The following CSMD3 variants were observed in gnomAD, a reference collection of about 807,000 sequenced individuals.
CSMD3 encodes the protein CUB and Sushi multiple domains 3.
Under a neutral mutation model 435.2 loss-of-function variants are expected in CSMD3, and 177 were observed. That is an observed-to-expected ratio of 0.41 (90% CI 0.36 to 0.46). CSMD3 has a LOEUF of 0.46. CSMD3 is among the 20% of genes least tolerant of loss of function. CSMD3 has a pLI of 0.34. For missense variants in CSMD3, 4,265 were observed against 4,504.6 expected (o/e 0.95, Z 1.52); for synonymous variants, 1,656 against 1,520.5 (o/e 1.09, Z -2.07).
At chr8:112,405,214 C>CAAATATATATATAT (rs1831704106) in intron 35 of CSMD3, among the ~76,000 whole-genome samples, 1 of 19,070 alleles carries the variant, frequency 5.2e-5, no homozygotes, top group Non-Finnish European at 8.0e-5. Flanking sequence ...AAAAAACCCC[C>CAAATATATATATAT]ATATATATAT....
intron 36 of CSMD3, among the ~76,000 whole-genome samples, chr8:112,387,913 C>T (rs927802334): frequency 6.6e-6 from 1 of 152,208 alleles, no homozygotes; most frequent in Non-Finnish European, 1.5e-5. Flanking sequence ...CACTGTGCAG[C>T]ATGTACTTCC....
intron 22 of CSMD3, 138 bp from the exon 23 acceptor site, chr8:112,587,373 T>C (rs1830821218): frequency 3.1e-6 from 2 of 645,258 alleles, no homozygotes; most frequent in Admixed American, 4.7e-5. Flanking sequence ...TGGCTTTATG[T>C]TGTAAATGAT....
chr8:112,318,466 T>G (rs1001505975), intron 47 of CSMD3, among the ~76,000 whole-genome samples: 7 of 152,054 alleles, frequency 4.6e-5, no homozygotes, highest in African/African-American at 1.7e-4. Context: ...CAAAGTTTAA[T>G]GAGTCTAGTG....
intron 13 of CSMD3, among the ~76,000 whole-genome samples, chr8:112,731,777 GTATT>G (rs1188052876): frequency 6.6e-6 from 1 of 152,000 alleles, no homozygotes; most frequent in Non-Finnish European, 1.5e-5. Context: ...TGCTCAATGA[GTATT>G]TGTTCACTGA....
At chr8:112,789,337 A>C (rs2078629732) in intron 13 of CSMD3, among the ~76,000 whole-genome samples, 1 of 152,214 alleles carries the variant, frequency 6.6e-6, no homozygotes, top group Non-Finnish European at 1.5e-5. Flanking sequence ...CAAATTTAAT[A>C]AAAGTATGCT....
At chr8:112,501,395 G>GAAAAAAAAAA (rs753817533) in intron 30 of CSMD3, among the ~76,000 whole-genome samples, 1 of 102,168 alleles carries the variant, frequency 9.8e-6, no homozygotes, top group Non-Finnish European at 2.1e-5. Context: ...CCATCTCAAG[G>GAAAAAAAAAA]AAAAAAAAAA....
At chr8:112,409,174 T>G (rs546413109) in intron 32 of CSMD3, 142 bp from the exon 33 acceptor site, 187 of 1,452,350 alleles carry the variant, frequency 1.3e-4, no homozygotes, top group South Asian at 6.7e-5. Flanking sequence ...TAAAAGAGGA[T>G]AGGTGCCAAT....
chr8:112,656,086 A>G, intron 18 of CSMD3, 68 bp downstream of exon 18: 1 of 854,194 alleles, frequency 1.2e-6, no homozygotes, highest in Non-Finnish European at 2.0e-6. Context: ...TTCCATTAGT[A>G]AAACTATAAT....
At chr8:112,936,215 G>A (rs895616094) in intron 9 of CSMD3, among the ~76,000 whole-genome samples, 1 of 151,122 alleles carries the variant, frequency 6.6e-6, no homozygotes, top group African/African-American at 2.4e-5. Flanking sequence ...TTTCTATCTT[G>A]CTTACCCTCA....
chr8:113,013,415 C>A (rs976235049), intron 6 of CSMD3, among the ~76,000 whole-genome samples: 10 of 152,044 alleles, frequency 6.6e-5, no homozygotes, highest in African/African-American at 2.2e-4. Context: ...CCAGTGAAGA[C>A]TCTTTATTTA....
chr8:112,992,128 G>T (rs1159929053), intron 6 of CSMD3, among the ~76,000 whole-genome samples: 1 of 151,744 alleles, frequency 6.6e-6, no homozygotes, highest in Non-Finnish European at 1.5e-5. Flanking sequence ...TGAGAATAAA[G>T]AATTTAATTG....
At chr8:113,240,539 T>G (rs2093202684) in intron 3 of CSMD3, among the ~76,000 whole-genome samples, 1 of 152,186 alleles carries the variant, frequency 6.6e-6, no homozygotes, top group Non-Finnish European at 1.5e-5. Flanking sequence ...AGTGTAAACT[T>G]TCTATGACAA....
At chr8:112,679,091 T>TG (rs1423765239) in intron 16 of CSMD3, among the ~76,000 whole-genome samples, 13 of 149,996 alleles carry the variant, frequency 8.7e-5, no homozygotes, top group Non-Finnish European at 1.9e-4. Flanking sequence ...GCAGGTTTTT[T>TG]TTTTTTTTTT....
At chr8:112,301,739 T>G in intron 53 of CSMD3, 54 bp downstream of exon 53, 3 of 1,376,142 alleles carry the variant, frequency 2.2e-6, no homozygotes, top group Non-Finnish European at 3.1e-6. Flanking sequence ...GATGCCTCTT[T>G]TCAAGGGTGA....
chr8:112,891,562 T>C (rs1238074541), intron 10 of CSMD3, among the ~76,000 whole-genome samples: 2 of 151,476 alleles, frequency 1.3e-5, no homozygotes, highest in African/African-American at 4.8e-5. Context: ...TCAGGTTCTA[T>C]CTAGGCCTAG....
At chr8:113,100,005 A>G (rs1282379887) in intron 4 of CSMD3, among the ~76,000 whole-genome samples, 1 of 152,104 alleles carries the variant, frequency 6.6e-6, no homozygotes. Flanking sequence ...TCCAGAACCT[A>G]AACAAATGGA....
At chr8:112,512,910 T>C (rs1053501780) in intron 28 of CSMD3, among the ~76,000 whole-genome samples, 2 of 152,252 alleles carry the variant, frequency 1.3e-5, no homozygotes, top group African/African-American at 4.8e-5. Context: ...CGTTCCACTT[T>C]AATGTTACAG....
intron 29 of CSMD3, among the ~76,000 whole-genome samples, chr8:112,505,558 T>C (rs2130924311): frequency 6.6e-6 from 1 of 152,258 alleles, no homozygotes; most frequent in African/African-American, 2.4e-5. Flanking sequence ...TGGAACACAG[T>C]ACATTTCTTT....
At chr8:112,340,198 C>T (rs923089929) in intron 42 of CSMD3, among the ~76,000 whole-genome samples, 3 of 152,170 alleles carry the variant, frequency 2.0e-5, no homozygotes, top group Admixed American at 1.3e-4. Context: ...GGTTCTGAGT[C>T]TTCTAGCAGC....
Sources: gnomAD v4.1 joint callset for allele counts (sites outside exome capture counted in the v4.1 genomes callset) on GRCh38, gnomAD v4.1.1 for gene constraint, MANE v1.5 for transcripts, NCBI Gene and HGNC (gene_info 2026-07-23, HGNC 2026-07-21) for gene names.